The following SPON1 variants were observed in gnomAD, a reference collection of about 807,000 sequenced individuals.
SPON1 encodes spondin-1.
In SPON1, 52 loss-of-function variants were observed where a neutral mutation model predicts 111.7. The ratio of observed to expected loss-of-function variants is 0.47; its 90% CI spans 0.37 to 0.59. SPON1 has a LOEUF of 0.59. Among genes scored for constraint, SPON1 ranks in the 20% least tolerant of loss-of-function variants. SPON1 has a pLI of 0.00. For synonymous variants in SPON1, 410 were observed against 395.8 expected (o/e 1.04, Z -0.43); for missense variants, 957 against 1,068.5 (o/e 0.90, Z 1.46).
intron 4 of SPON1, among the ~76,000 whole-genome samples, chr11:14,077,481 G>A (rs191267025): frequency 2.4e-4 from 36 of 151,604 alleles, no homozygotes; most frequent in African/African-American, 8.7e-4. Flanking sequence ...CACCCAGGCT[G>A]GAATGCAGTG....
chr11:14,154,973 C>A (rs1847826494), intron 6 of SPON1, among the ~76,000 whole-genome samples: 1 of 152,182 alleles, frequency 6.6e-6, no homozygotes, highest in African/African-American at 2.4e-5. Context: ...AGCAGGGACA[C>A]AATGCCGCCA....
intron 6 of SPON1, among the ~76,000 whole-genome samples, chr11:14,169,688 A>AAGG (rs782246366): frequency 2.6e-5 from 4 of 151,238 alleles, no homozygotes; most frequent in East Asian, 1.9e-4. Context: ...AGGTGTAAGG[A>AAGG]GATCCAGTTT....
At chr11:14,018,889 G>C (rs1848462011) in intron 2 of SPON1, among the ~76,000 whole-genome samples, 1 of 152,210 alleles carries the variant, frequency 6.6e-6, no homozygotes, top group Non-Finnish European at 1.5e-5. Context: ...GTCATGAAGA[G>C]CCTGGTAATA....
intron 5 of SPON1, among the ~76,000 whole-genome samples, chr11:14,099,088 G>T (rs1254784217): frequency 6.6e-6 from 1 of 152,094 alleles, no homozygotes; most frequent in Non-Finnish European, 1.5e-5. Flanking sequence ...TCACCCCCAA[G>T]TTATCCAATT....
In SPON1 at chr11:14,111,437, G is replaced by A. The variant is rs1021239105; in HGVS notation, c.677-23983G>A. Among the ~76,000 whole-genome samples the A allele has an allele frequency of 1.2e-4, 18 of 152,242 alleles. No individual in the cohort carries two copies. In the East Asian group the frequency reaches 1.4e-3, roughly 11 times the overall value. On this transcript the variant is annotated intron_variant, in intron 5 of 15. Coordinates refer to ENST00000576479, the MANE Select transcript of SPON1 (RefSeq NM_006108.4). ...TAGTGCTGAATACATGTTACTCAAC[G>A]AACTTGCTGCAAGAAGTCTTCACTT...
At chr11:14,247,433 A>G (rs1258451346) in intron 7 of SPON1, among the ~76,000 whole-genome samples, 1 of 152,174 alleles carries the variant, frequency 6.6e-6, no homozygotes, top group Non-Finnish European at 1.5e-5. Context: ...GGTTTTAAGC[A>G]AAAGGGTGAC....
At chr11:14,039,205 A>G (rs1848615483) in intron 2 of SPON1, among the ~76,000 whole-genome samples, 1 of 152,242 alleles carries the variant, frequency 6.6e-6, no homozygotes, top group Non-Finnish European at 1.5e-5. Flanking sequence ...TAAGAAGAGC[A>G]CAGAGGATTT....
chr11:14,154,533 G>T (rs1257011100), intron 6 of SPON1, among the ~76,000 whole-genome samples: 4 of 152,222 alleles, frequency 2.6e-5, no homozygotes, highest in Admixed American at 2.6e-4. Flanking sequence ...GGGACCCTGT[G>T]CCTGGCCCAC....
chr11:14,094,147 G>A lies in SPON1; in HGVS notation c.676+14126G>A, dbSNP rs534580440. Among the ~76,000 whole-genome samples, 28 of 151,866 alleles carry A rather than the reference G, an allele frequency of 1.8e-4. No individual in the cohort carries two copies. In the South Asian group the frequency reaches 5.6e-3, roughly 31 times the overall value. On this transcript the variant is annotated intron_variant, in intron 5 of 15. Coordinates refer to ENST00000576479, the MANE Select transcript of SPON1 (RefSeq NM_006108.4). The stretch of plus-strand genomic sequence containing the variant: ...GAATCGCTTGAACCTGGGAGGCAGA[G>A]GTTGCAGTGAGCCGAGATTGTACCA...
intron 1 of SPON1, among the ~76,000 whole-genome samples, chr11:13,975,635 A>C (rs1054598756): frequency 6.6e-6 from 1 of 152,300 alleles, no homozygotes; most frequent in Non-Finnish European, 1.5e-5. Flanking sequence ...AGGTCCTCAC[A>C]GGGCACTCTG....
At position 14,076,698 on chromosome 11, in the gene SPON1, A is replaced by G. The variant is rs116795405; in HGVS notation, c.553+1280A>G. Among the ~76,000 whole-genome samples, 925 of 152,308 alleles carry G rather than the reference A, an allele frequency of 6.1e-3. 3 individuals are homozygous for G. The highest frequency in any genetic ancestry group is 0.021 in the African/African-American group (884 of 41,568). ...TAGTTCTTATCATTGCCTTTGACAGATCAATGCATTGTCCTCCTGTAGATG... is the reference window on the plus strand; with the variant it reads ...TAGTTCTTATCATTGCCTTTGACAGGTCAATGCATTGTCCTCCTGTAGATG... On this transcript the variant is annotated intron_variant, in intron 4 of 15. Coordinates refer to ENST00000576479, the MANE Select transcript of SPON1 (RefSeq NM_006108.4).
At chr11:14,028,196 T>G (rs1403952776) in intron 2 of SPON1, among the ~76,000 whole-genome samples, 1 of 152,022 alleles carries the variant, frequency 6.6e-6, no homozygotes, top group African/African-American at 2.4e-5. Context: ...GAATGTAGAG[T>G]CTGTGCCAGG....
At chr11:14,167,932 T>A (rs4757234) in intron 6 of SPON1, among the ~76,000 whole-genome samples, 57,107 of 152,044 alleles carry the variant, frequency 0.38, 11,177 homozygotes, top group East Asian at 0.55. Context: ...ATTACTCTTT[T>A]AGGTTAAGAC....
chr11:14,111,348 G>A (rs1849225261), intron 5 of SPON1, among the ~76,000 whole-genome samples: 2 of 152,134 alleles, frequency 1.3e-5, no homozygotes, highest in Non-Finnish European at 1.5e-5. Flanking sequence ...TCTCAAGAAA[G>A]GCATTAGAGT....
intron 6 of SPON1, among the ~76,000 whole-genome samples, chr11:14,235,277 G>A (rs1848850630): frequency 6.6e-6 from 1 of 152,200 alleles, no homozygotes; most frequent in Non-Finnish European, 1.5e-5. Context: ...TATTAGTTAA[G>A]CGTGTTCCCA....
At chr11:14,170,122 C>A (rs1405989171) in intron 6 of SPON1, among the ~76,000 whole-genome samples, 120 of 152,302 alleles carry the variant, frequency 7.9e-4, no homozygotes, top group Non-Finnish European at 1.4e-3. Context: ...TCTTCCTACC[C>A]ATGAGCATGG....
chr11:14,027,453 T>C (rs1005807971), intron 2 of SPON1, among the ~76,000 whole-genome samples: 3 of 152,200 alleles, frequency 2.0e-5, no homozygotes, highest in African/African-American at 7.2e-5. Flanking sequence ...CACCATCCCT[T>C]CTCAGGACTG....
chr11:13,969,505 G>A (rs1380434872), intron 1 of SPON1, among the ~76,000 whole-genome samples: 1 of 152,172 alleles, frequency 6.6e-6, no homozygotes, highest in Non-Finnish European at 1.5e-5. Flanking sequence ...AGAATGAAAG[G>A]AATGAGGGTA....
intron 5 of SPON1, among the ~76,000 whole-genome samples, chr11:14,081,831 G>C (rs1227898695): frequency 6.6e-6 from 1 of 152,114 alleles, no homozygotes; most frequent in Non-Finnish European, 1.5e-5. Flanking sequence ...AGCCCACCCA[G>C]AGGGGACTTC....
Sources: allele counts gnomAD v4.1 joint callset (sites outside exome capture counted in the v4.1 genomes callset), GRCh38; gene constraint gnomAD v4.1.1; transcripts MANE v1.5; gene names NCBI Gene and HGNC (gene_info 2026-07-23, HGNC 2026-07-21).